KIF26B: variants seen among roughly 807,000 people sequenced by gnomAD.
The protein encoded by KIF26B is kinesin family member 26B, also known as kinesin-like protein KIF26B.
Under a neutral mutation model 151.2 loss-of-function variants are expected in KIF26B, and 63 were observed. The observed-to-expected ratio is 0.42, with a 90% CI of 0.34 to 0.51. KIF26B has a LOEUF of 0.51. Ranked by LOEUF, KIF26B falls within the 20% of genes least tolerant of loss-of-function variation. The probability of loss-of-function intolerance (pLI) is 0.07; values close to 1 mark genes in which losing one functional copy is unlikely to be tolerated. For synonymous variants in KIF26B, 1,357 were observed against 1,262.1 expected, an observed-to-expected ratio of 1.08 and a Z score of -1.59; for missense variants, 2,813 against 2,913.6, an observed-to-expected ratio of 0.97 and a Z score of 0.79.
chr1:245,657,727 CTCATTCATTCAT>C (rs1288406105), intron 10 of KIF26B, among the ~76,000 whole-genome samples: 1 of 152,154 alleles, frequency 6.6e-6, no homozygotes, highest in Non-Finnish European at 1.5e-5. Flanking sequence ...CATTCACTCA[CTCATTCATTCAT>C]TCAATCAATA....
intron 9 of KIF26B, among the ~76,000 whole-genome samples, chr1:245,633,119 G>GTT (rs111358270): frequency 6.6e-6 from 1 of 151,658 alleles, no homozygotes; most frequent in African/African-American, 2.4e-5. Flanking sequence ...CACTTTTTAT[G>GTT]TTTTTTGGCT....
chr1:245,374,047 G>A (rs571582971), intron 3 of KIF26B, among the ~76,000 whole-genome samples: 3 of 89,552 alleles, frequency 3.4e-5, no homozygotes, highest in South Asian at 5.0e-4. Context: ...ACAGAGACCC[G>A]AGAACCTATC....
At chr1:245,252,329 A>G (rs888986206) in intron 2 of KIF26B, among the ~76,000 whole-genome samples, 8 of 151,532 alleles carry the variant, frequency 5.3e-5, no homozygotes, top group African/African-American at 1.5e-4. Flanking sequence ...ATATGAACAT[A>G]TTATATAGCT....
intron 5 of KIF26B, among the ~76,000 whole-genome samples, chr1:245,551,871 C>A (rs1020951281): frequency 1.3e-5 from 2 of 152,168 alleles, no homozygotes; most frequent in African/African-American, 4.8e-5. Flanking sequence ...TGGGTGCCCC[C>A]TCGTGTGCTT....
chr1:245,605,859 G>A (rs74154476), intron 6 of KIF26B, among the ~76,000 whole-genome samples: 3,433 of 152,210 alleles, frequency 0.023, 136 homozygotes, highest in African/African-American at 0.079. Flanking sequence ...TCTCGCCCCC[G>A]GCCTCTGCAC....
At chr1:245,638,647 G>GT (rs2043858103) in intron 9 of KIF26B, among the ~76,000 whole-genome samples, 1 of 151,782 alleles carries the variant, frequency 6.6e-6, no homozygotes, top group Admixed American at 6.6e-5. Context: ...CACTTATCTT[G>GT]TTGAGGTATG....
At chr1:245,417,401 T>C (rs1448250442) in intron 3 of KIF26B, among the ~76,000 whole-genome samples, 1 of 152,148 alleles carries the variant, frequency 6.6e-6, no homozygotes, top group Non-Finnish European at 1.5e-5. Context: ...ACAAATTGGC[T>C]TGGGCAAATT....
intron 10 of KIF26B, among the ~76,000 whole-genome samples, chr1:245,675,395 G>C (rs2044346246): frequency 6.6e-6 from 1 of 152,114 alleles, no homozygotes; most frequent in Non-Finnish European, 1.5e-5. Context: ...CAACCAGCTT[G>C]GACCATATGA....
intron 10 of KIF26B, among the ~76,000 whole-genome samples, chr1:245,653,187 C>T (rs928136228): frequency 6.6e-6 from 1 of 152,138 alleles, no homozygotes; most frequent in African/African-American, 2.4e-5. Context: ...CACCCAGGCT[C>T]ACGTTCACCA....
chr1:245,672,123 G>T (rs964641794), intron 10 of KIF26B, among the ~76,000 whole-genome samples: 1 of 152,102 alleles, frequency 6.6e-6, no homozygotes, highest in African/African-American at 2.4e-5. Context: ...GCCCTGAGGG[G>T]AATAACAGTC....
chr1:245,626,085 G>A (rs1473716419), intron 9 of KIF26B, among the ~76,000 whole-genome samples: 1 of 152,202 alleles, frequency 6.6e-6, no homozygotes, highest in Non-Finnish European at 1.5e-5. Flanking sequence ...ATTCCATTGT[G>A]TATACAGAGC....
At chr1:245,556,462 A>G (rs980211527) in intron 5 of KIF26B, among the ~76,000 whole-genome samples, 2 of 151,978 alleles carry the variant, frequency 1.3e-5, no homozygotes, top group Non-Finnish European at 2.9e-5. Flanking sequence ...AGTGGCGTGA[A>G]CGAACACAGC....
rs555973818 is a variant in KIF26B at position 245,165,225 on chromosome 1, C to T, written c.465+8542C>T. Among the ~76,000 whole-genome samples the T allele has an allele frequency of 2.4e-4, 36 of 151,946 alleles. No individual in the cohort carries two copies. In the Middle Eastern group the frequency reaches 0.014, roughly 58 times the overall value. ...TACAGAGGGAAGGGAGAGGCAGCTC[C>T]GGCCTGACACATATCATATGTAGAA... On this transcript the variant is annotated intron_variant, in intron 2 of 14. Coordinates refer to ENST00000407071, the MANE Select transcript of KIF26B (RefSeq NM_018012.4).
intron 12 of KIF26B, among the ~76,000 whole-genome samples, chr1:245,689,940 T>C (rs1013244173): frequency 1.3e-5 from 2 of 152,116 alleles, no homozygotes; most frequent in Non-Finnish European, 2.9e-5. Flanking sequence ...GACTTGTTAA[T>C]TGGAGTCTTG....
Position 245,633,731 on chromosome 1 carries a change from T to C in KIF26B, c.2099-12390T>C, listed in dbSNP as rs1366643922. Among the ~76,000 whole-genome samples the C allele has an allele frequency of 2.6e-5, 4 of 152,348 alleles. No homozygotes were observed. The East Asian group carries it at 7.7e-4, about 29-fold the overall frequency. ...GCAATATTTCATCTTTTTTTAAGGA[T>C]AGCTTTCAGCAATATTTTATGGTTT... On this transcript the variant is annotated intron_variant, in intron 9 of 14. Coordinates refer to ENST00000407071, the MANE Select transcript of KIF26B (RefSeq NM_018012.4).
At chr1:245,252,047 G>T (rs1425066999) in intron 2 of KIF26B, among the ~76,000 whole-genome samples, 1 of 151,922 alleles carries the variant, frequency 6.6e-6, no homozygotes, top group Non-Finnish European at 1.5e-5. Context: ...CAGATCACTT[G>T]AGCCCAGGAG....
intron 2 of KIF26B, among the ~76,000 whole-genome samples, chr1:245,329,278 G>C (rs1672053913): frequency 6.6e-6 from 1 of 152,230 alleles, no homozygotes; most frequent in African/African-American, 2.4e-5. Flanking sequence ...AGAATTGCCA[G>C]GCCTCAGGGA....
intron 2 of KIF26B, among the ~76,000 whole-genome samples, chr1:245,349,256 T>C (rs992257304): frequency 6.6e-6 from 1 of 152,212 alleles, no homozygotes; most frequent in Non-Finnish European, 1.5e-5. Flanking sequence ...TGTAAATAGA[T>C]TCACATTGAT....
intron 2 of KIF26B, among the ~76,000 whole-genome samples, chr1:245,296,647 C>A (rs192528440): frequency 6.6e-6 from 1 of 152,344 alleles, no homozygotes; most frequent in Admixed American, 6.5e-5. Context: ...TCCTTGCTCA[C>A]GAAGTCGGCC....
Sources: gnomAD v4.1 joint callset for allele counts (sites outside exome capture counted in the v4.1 genomes callset) on GRCh38, gnomAD v4.1.1 for gene constraint, MANE v1.5 for transcripts, NCBI Gene and HGNC (gene_info 2026-07-23, HGNC 2026-07-21) for gene names.